The following CPD variants were observed in gnomAD, a reference collection of about 807,000 sequenced individuals.
CPD encodes the protein metallocarboxypeptidase D.
CPD carries 69 observed loss-of-function variants against 138.3 expected under a neutral mutation model. That is an observed-to-expected ratio of 0.50 (90% CI 0.41 to 0.61). The LOEUF (loss-of-function observed/expected upper bound fraction) is 0.61, where lower values mean the gene tolerates loss of function less well. Ranked by LOEUF, CPD falls within the 20% of genes least tolerant of loss-of-function variation. The probability of loss-of-function intolerance (pLI) is 0.00; values close to 1 mark genes in which losing one functional copy is unlikely to be tolerated. For missense variants in CPD, 1,432 were observed against 1,733.3 expected (o/e 0.83, Z 3.09); for synonymous variants, 651 against 642.1 (o/e 1.01, Z -0.21).
intron 2 of CPD, among the ~76,000 whole-genome samples, chr17:30,406,620 A>G (rs1597713796): frequency 1.3e-5 from 2 of 152,224 alleles, no homozygotes; most frequent in African/African-American, 4.8e-5. Flanking sequence ...CTAAAATAGG[A>G]CAATTAAGGG....
At position 30,446,113 on chromosome 17, in the gene CPD, T is replaced by C. The variant is rs543165843; in HGVS notation, c.2873+93T>C. The C allele has an allele frequency of 6.5e-6, 6 of 920,616 alleles. No individual in the cohort carries two copies. In the South Asian group the frequency reaches 1.1e-4, roughly 16 times the overall value. The allele number at this position is 920,616 out of a possible 1,614,324, so 57.0% of individuals were successfully genotyped here. A position where few individuals can be genotyped will look rare whatever the true frequency, so the allele number is the denominator to read the frequency against. On this transcript the variant is annotated intron_variant, in intron 12 of 20. Transcript: ENST00000225719. ...ATAGTTGTAATTTATATAGAAATATTTGGGAACAGAATGTACAGAGAGTTG... is the reference window on the plus strand; with the variant it reads ...ATAGTTGTAATTTATATAGAAATATCTGGGAACAGAATGTACAGAGAGTTG...
intron 6 of CPD, among the ~76,000 whole-genome samples, chr17:30,425,646 ACT>A (rs1011415963): frequency 1.7e-5 from 2 of 118,822 alleles, no homozygotes; most frequent in East Asian, 2.5e-4. Context: ...ACAGAGTGAG[ACT>A]CTGTCTCAAA....
chr17:30,450,344 G>A (rs919631970), intron 13 of CPD: 2 of 152,352 alleles, frequency 1.3e-5, no homozygotes, highest in African/African-American at 4.8e-5. Context: ...ACAGGCGTGA[G>A]CCATGGCGCC....
At chr17:30,436,620 A>G (rs1567878368) in intron 8 of CPD, among the ~76,000 whole-genome samples, 2 of 152,242 alleles carry the variant, frequency 1.3e-5, no homozygotes, top group South Asian at 4.1e-4. Flanking sequence ...AATGGAAAAT[A>G]TGCATAGGCA....
At chr17:30,392,164 T>C (rs1911375960) in intron 2 of CPD, among the ~76,000 whole-genome samples, 1 of 151,946 alleles carries the variant, frequency 6.6e-6, no homozygotes, top group Non-Finnish European at 1.5e-5. Flanking sequence ...CATGCACCAC[T>C]ACGCCTGGCT....
At position 30,384,219 on chromosome 17, in the gene CPD, CTTTG is replaced by C. The variant is rs368380510; in HGVS notation, c.747-762_747-759del. Among the ~76,000 whole-genome samples, 80 of 152,062 alleles carry C rather than the reference CTTTG, an allele frequency of 5.3e-4. 1 individual carries two copies. The highest frequency in any genetic ancestry group is 1.6e-3 in the African/African-American group (68 of 41,468). On this transcript the variant is annotated intron_variant, in intron 1 of 20. Coordinates refer to ENST00000225719, the MANE Select transcript of CPD (RefSeq NM_001304.5). ...GCAGCTCACTGAATCAGGTTGTTTT[CTTTG>C]TTTGTTTTTTTCCTGAATCTTCTCA...
At chr17:30,406,327 A>G (rs1911800553) in intron 2 of CPD, among the ~76,000 whole-genome samples, 1 of 152,180 alleles carries the variant, frequency 6.6e-6, no homozygotes, top group Non-Finnish European at 1.5e-5. Context: ...AATTGTTTGT[A>G]GAGATATATA....
At chr17:30,427,167 G>C (rs566963691) in intron 6 of CPD, among the ~76,000 whole-genome samples, 3 of 149,498 alleles carry the variant, frequency 2.0e-5, no homozygotes, top group African/African-American at 7.4e-5. Flanking sequence ...GGGTGACTGA[G>C]TGAGACTCCA....
At chr17:30,385,346 ATTTATT>A in intron 2 of CPD, 110 bp downstream of exon 2, 1 of 1,314,510 alleles carries the variant, frequency 7.6e-7, no homozygotes, top group Non-Finnish European at 1.0e-6. Flanking sequence ...TTTAAAAGAT[ATTTATT>A]TTTATTTTGA....
At chr17:30,396,025 G>T (rs1953085444) in intron 2 of CPD, among the ~76,000 whole-genome samples, 1 of 152,032 alleles carries the variant, frequency 6.6e-6, no homozygotes, top group Admixed American at 6.6e-5. Flanking sequence ...CCATTGATTT[G>T]GCCCAGATTT....
intron 10 of CPD, among the ~76,000 whole-genome samples, chr17:30,443,356 G>A (rs943704972): frequency 2.6e-5 from 4 of 152,036 alleles, no homozygotes; most frequent in African/African-American, 9.7e-5. Flanking sequence ...ATATTTAAAT[G>A]TCCATATTTG....
At chr17:30,418,592 T>A (rs1567873621) in intron 2 of CPD, among the ~76,000 whole-genome samples, 1 of 152,202 alleles carries the variant, frequency 6.6e-6, no homozygotes, top group Non-Finnish European at 1.5e-5. Context: ...AATTTACCAT[T>A]GTAACTGTTT....
At position 30,432,241 on chromosome 17, in the gene CPD, G is replaced by A. The variant is rs186703908; in HGVS notation, c.2127+360G>A. On this transcript the variant is annotated intron_variant, in intron 8 of 20. Coordinates refer to ENST00000225719, the MANE Select transcript of CPD (RefSeq NM_001304.5). The stretch of plus-strand genomic sequence containing the variant: ...ACCACCTGTTTTTGTAAATAAAATT[G>A]TATTGACACACAGCCACAGCTATAT... 1.1e-3 allele frequency among the ~76,000 whole-genome samples: 169 copies of A among 152,268 alleles called. 1 individual carries two copies. The Middle Eastern group carries it at 0.031, about 28-fold the overall frequency.
At chr17:30,413,950 A>G (rs879393446) in intron 2 of CPD, among the ~76,000 whole-genome samples, 2 of 152,206 alleles carry the variant, frequency 1.3e-5, no homozygotes, top group Non-Finnish European at 2.9e-5. Context: ...GGGGAAGAGC[A>G]TTCCAGCAAA....
At chr17:30,454,534 C>A (rs1420527510) in intron 14 of CPD, 2 of 152,362 alleles carry the variant, frequency 1.3e-5, no homozygotes, top group Non-Finnish European at 1.5e-5. Flanking sequence ...TCTATGCTTT[C>A]CCACATTTTC....
At chr17:30,438,347 G>GC (rs1399717341) in intron 8 of CPD, among the ~76,000 whole-genome samples, 1 of 152,090 alleles carries the variant, frequency 6.6e-6, no homozygotes, top group East Asian at 1.9e-4. Flanking sequence ...TCAATGGCAT[G>GC]CATTTGTGTC....
At chr17:30,461,344 C>G in intron 18 of CPD, 33 bp downstream of exon 18, 12 of 1,509,458 alleles carry the variant, frequency 7.9e-6, no homozygotes, top group Non-Finnish European at 1.1e-5. Context: ...GAGGCAAACT[C>G]CCAGGAATAT....
intron 2 of CPD, among the ~76,000 whole-genome samples, chr17:30,387,575 C>G (rs991148449): frequency 6.6e-6 from 1 of 152,164 alleles, no homozygotes; most frequent in Non-Finnish European, 1.5e-5. Flanking sequence ...AATAAGTCAA[C>G]CAATGGAAAT....
intron 12 of CPD, among the ~76,000 whole-genome samples, chr17:30,446,637 C>T (rs9892793): frequency 2.4e-4 from 36 of 152,122 alleles, no homozygotes; most frequent in African/African-American, 8.0e-4. Context: ...AATAAACATA[C>T]GTGTGCATGT....
Sources: allele counts gnomAD v4.1 joint callset (sites outside exome capture counted in the v4.1 genomes callset), GRCh38; gene constraint gnomAD v4.1.1; transcripts MANE v1.5; gene names NCBI Gene and HGNC (gene_info 2026-07-23, HGNC 2026-07-21).